Variants in PPARG observed in about 807,000 individuals in gnomAD.
PPARG encodes the protein peroxisome proliferator-activated receptor gamma.
In PPARG, 17 loss-of-function variants were observed where a neutral mutation model predicts 39.2. The ratio of observed to expected loss-of-function variants is 0.43; its 90% CI spans 0.30 to 0.65. The LOEUF is 0.65. Among genes scored for constraint, PPARG ranks in the 30% least tolerant of loss-of-function variants. PPARG has a pLI of 0.13. For synonymous variants in PPARG, 223 were observed against 215.7 expected, an observed-to-expected ratio of 1.03 and a Z score of -0.30; for missense variants, 406 against 585.9, an observed-to-expected ratio of 0.69 and a Z score of 3.17.
chr3:12,360,202 C>T lies in PPARG; in HGVS notation c.-8-19502C>T, dbSNP rs77477134. 1.9e-3 allele frequency among the ~76,000 whole-genome samples: 294 copies of T among 152,190 alleles called. 1 individual carries two copies. Among genetic ancestry groups the T allele is most frequent in the African/African-American group, 6.7e-3 (277 of 41,542 alleles). On this transcript the variant is annotated intron_variant, in intron 2 of 7. Coordinates refer to ENST00000651735, the MANE Select transcript of PPARG (RefSeq NM_138711.6). ...TTTTTGTTATTTTTTAATAGAGACA[C>T]GGTCTGGCTATGTTGTTCAGACTGG...
intron 5 of PPARG, among the ~76,000 whole-genome samples, chr3:12,398,112 G>A (rs2050333041): frequency 6.6e-6 from 1 of 151,268 alleles, no homozygotes. Flanking sequence ...ATACCTTCCT[G>A]TGATATCACA....
At chr3:12,397,570 C>G (rs2050313434) in intron 5 of PPARG, among the ~76,000 whole-genome samples, 1 of 151,572 alleles carries the variant, frequency 6.6e-6, no homozygotes, top group Non-Finnish European at 1.5e-5. Flanking sequence ...GCCACCATGC[C>G]CGGCTAATTT....
In PPARG at chr3:12,430,596, G is replaced by A. The variant is rs4135362; in HGVS notation, c.1181-3302G>A. Among the ~76,000 whole-genome samples the A allele has an allele frequency of 2.9e-3, 442 of 152,292 alleles. 1 individual carries two copies. Among genetic ancestry groups the A allele is most frequent in the African/African-American group, 0.01 (416 of 41,552 alleles). On this transcript the variant is annotated intron_variant, in intron 7 of 7. Transcript: ENST00000651735. ...TATTGTGAAGATTAAATGGCATATC[G>A]TATATAAGGCCCTTGGCACGATCTT...
intron 4 of PPARG, among the ~76,000 whole-genome samples, chr3:12,382,506 A>T (rs893161251): frequency 6.6e-6 from 1 of 152,226 alleles, no homozygotes; most frequent in Non-Finnish European, 1.5e-5. Flanking sequence ...CAACGTAAAG[A>T]TACAGAACAA....
rs141543330 is a variant in PPARG, at chr3:12,330,377, C to T, written c.-9+17924C>T. Among the ~76,000 whole-genome samples the T allele has an allele frequency of 2.7e-3, 400 of 146,800 alleles. 1 individual carries two copies. Among genetic ancestry groups the T allele is most frequent in the African/African-American group, 9.7e-3 (390 of 40,116 alleles). ...TCATTGTGGTTTTGATTTGCATTTT[C>T]CTAATGGCTGCTGATGTTAAGCATC... On this transcript the variant is annotated intron_variant, in intron 2 of 7. Transcript: ENST00000651735.
intron 4 of PPARG, among the ~76,000 whole-genome samples, chr3:12,387,739 A>G (rs565449580): frequency 1.3e-5 from 2 of 152,182 alleles, no homozygotes; most frequent in South Asian, 2.1e-4. Flanking sequence ...CCATTTGTCA[A>G]TTTTGGCTTT....
chr3:12,333,080 G>A (rs377621295), intron 2 of PPARG, among the ~76,000 whole-genome samples: 6 of 152,228 alleles, frequency 3.9e-5, no homozygotes, highest in African/African-American at 9.6e-5. Flanking sequence ...TTGAGTAAAT[G>A]AAGTCATGAG....
chr3:12,308,059 T>G (rs2047121671), intron 1 of PPARG, among the ~76,000 whole-genome samples: 1 of 151,874 alleles, frequency 6.6e-6, no homozygotes, highest in Admixed American at 6.6e-5. Context: ...ACTAAAATAG[T>G]CATCATAAGG....
intron 1 of PPARG, among the ~76,000 whole-genome samples, chr3:12,296,254 C>CAAAAAAAAAAAAAAAA (rs545210244): frequency 4.1e-5 from 2 of 48,628 alleles, no homozygotes; most frequent in Non-Finnish European, 7.5e-5. Flanking sequence ...CACTTTGTCT[C>CAAAAAAAAAAAAAAAA]AAAAAAAAAA....
At chr3:12,428,615 A>T (rs564775402) in intron 7 of PPARG, among the ~76,000 whole-genome samples, 1 of 152,222 alleles carries the variant, frequency 6.6e-6, no homozygotes, top group Non-Finnish European at 1.5e-5. Context: ...TCTGTGGCAC[A>T]ACTGTGGCAC....
chr3:12,393,258 A>G lies in PPARG; in HGVS notation c.529+506A>G, dbSNP rs191438261. Among the ~76,000 whole-genome samples, 12 of 146,812 alleles carry G rather than the reference A, an allele frequency of 8.2e-5. No individual in the cohort carries two copies. The East Asian group carries it at 2.4e-3, about 29-fold the overall frequency. ...ACGAGTATTCGTTTCCTTCACTTCAAGGAACGTCCATGAGTTGTGGAAAGG... is the reference window on the plus strand; with the variant it reads ...ACGAGTATTCGTTTCCTTCACTTCAGGGAACGTCCATGAGTTGTGGAAAGG... On this transcript the variant is annotated intron_variant, in intron 5 of 7. Transcript: ENST00000651735.
intron 5 of PPARG, among the ~76,000 whole-genome samples, chr3:12,397,942 T>C (rs1466132119): frequency 6.6e-6 from 1 of 152,114 alleles, no homozygotes; most frequent in African/African-American, 2.4e-5. Context: ...TGCATTTTGC[T>C]GTTCCTGGAA....
At chr3:12,350,191 A>G (rs1393061613) in intron 2 of PPARG, among the ~76,000 whole-genome samples, 1 of 152,196 alleles carries the variant, frequency 6.6e-6, no homozygotes, top group Non-Finnish European at 1.5e-5. Context: ...ATTTTACACA[A>G]CTGTAATCAC....
chr3:12,375,695 GT>G (rs1282282005), intron 2 of PPARG, among the ~76,000 whole-genome samples: 1 of 152,188 alleles, frequency 6.6e-6, no homozygotes, highest in Non-Finnish European at 1.5e-5. Flanking sequence ...AAAGGACACA[GT>G]TGGATGGGTG....
chr3:12,342,902 T>A (rs1279765401), intron 2 of PPARG, among the ~76,000 whole-genome samples: 1 of 152,140 alleles, frequency 6.6e-6, no homozygotes, highest in African/African-American at 2.4e-5. Context: ...AAAGAAGATA[T>A]AAAGACTAGA....
At chr3:12,368,859 C>A (rs1219346991) in intron 2 of PPARG, among the ~76,000 whole-genome samples, 1 of 152,080 alleles carries the variant, frequency 6.6e-6, no homozygotes, top group Non-Finnish European at 1.5e-5. Context: ...GCATCAAAAC[C>A]ATTTTCTGAT....
intron 2 of PPARG, among the ~76,000 whole-genome samples, chr3:12,377,004 G>T (rs549138172): frequency 6.6e-6 from 1 of 152,034 alleles, no homozygotes; most frequent in Non-Finnish European, 1.5e-5. Context: ...AAATACCTAT[G>T]ACTGCTTTTT....
intron 7 of PPARG, among the ~76,000 whole-genome samples, chr3:12,424,798 T>C (rs1300955693): frequency 6.6e-6 from 1 of 152,058 alleles, no homozygotes; most frequent in African/African-American, 2.4e-5. Context: ...AAATCCCCAC[T>C]CTCTCTCTTC....
intron 2 of PPARG, among the ~76,000 whole-genome samples, chr3:12,373,301 A>C (rs2049286425): frequency 2.0e-5 from 3 of 152,258 alleles, no homozygotes; most frequent in Admixed American, 2.0e-4. Context: ...GGAGAAGGGC[A>C]GGGGGGAAGG....
Sources: gnomAD v4.1 joint callset for allele counts (sites outside exome capture counted in the v4.1 genomes callset) on GRCh38, gnomAD v4.1.1 for gene constraint, MANE v1.5 for transcripts, NCBI Gene and HGNC (gene_info 2026-07-23, HGNC 2026-07-21) for gene names.